The following STK36 variants were observed in gnomAD, a reference collection of about 807,000 sequenced individuals.
STK36 encodes serine/threonine-protein kinase 36.
In STK36, 116 loss-of-function variants were observed where a neutral mutation model predicts 142.2. The ratio of observed to expected loss-of-function variants is 0.82; its 90% CI spans 0.70 to 0.95. The LOEUF is 0.95. Among genes scored for constraint, STK36 ranks in the 40% least tolerant of loss-of-function variants. The pLI is 0.00. For missense variants in STK36, 1,422 were observed against 1,617.2 expected, an observed-to-expected ratio of 0.88 and a Z score of 2.07; for synonymous variants, 619 against 641.7, an observed-to-expected ratio of 0.96 and a Z score of 0.53.
chr2:218,692,738 C>A, intron 16 of STK36, 28 bp downstream of exon 16: 1 of 1,598,498 alleles, frequency 6.3e-7, no homozygotes, highest in South Asian at 1.1e-5. Flanking sequence ...TTGTTCCTCT[C>A]ATCCTACTGC....
At chr2:218,688,420 T>C in intron 11 of STK36, 1 of 581,066 alleles carries the variant, frequency 1.7e-6, no homozygotes, top group East Asian at 3.9e-5. Context: ...AGGGAGCAGA[T>C]GGGAATGGCA....
intron 24 of STK36, 122 bp downstream of exon 24, chr2:218,697,732 G>A (rs928629893): frequency 6.3e-7 from 1 of 1,583,800 alleles, no homozygotes; most frequent in African/African-American, 1.3e-5. Context: ...GGTTTAGGCT[G>A]GAAACCTAAG....
chr2:218,696,970 G>C, intron 22 of STK36, 69 bp from the exon 23 acceptor site: 2 of 1,593,744 alleles, frequency 1.3e-6, no homozygotes, highest in Non-Finnish European at 1.7e-6. Flanking sequence ...TCAGGGACAG[G>C]AATGAATAAA....
At chr2:218,697,386 C>T (rs1391575175) in intron 23 of STK36, 77 bp from the exon 24 acceptor site, 1 of 1,575,974 alleles carries the variant, frequency 6.3e-7, no homozygotes, top group Non-Finnish European at 8.6e-7. Flanking sequence ...ATAGGTGTAG[C>T]CCTGGGAGCT....
chr2:218,694,234 TG>T lies in STK36; in HGVS notation c.2337-29del. ...GCTTACCAACCTCCTTTAATACTGCTGCATCCCTTGATGTATCTCTTTATTC... is the reference window on the plus strand; with the variant it reads ...GCTTACCAACCTCCTTTAATACTGCTCATCCCTTGATGTATCTCTTTATTC... On this transcript the variant is annotated intron_variant, in intron 19 of 26. Transcript: ENST00000295709. The surrounding 1 kb of genome is among the most constrained non-coding windows in gnomAD (Gnocchi z 4.4). 6.3e-7 allele frequency: 1 copy of T among 1,591,400 alleles called. No homozygotes were observed. The highest frequency in any genetic ancestry group is 8.6e-7 in the Non-Finnish European group (1 of 1,159,350).
intron 10 of STK36, among the ~76,000 whole-genome samples, chr2:218,684,337 A>T: frequency 7.4e-6 from 1 of 135,992 alleles, no homozygotes. Flanking sequence ...CTGGTCTTGA[A>T]CTCCCGACCT....
chr2:218,693,837 C>T lies in STK36; in HGVS notation c.2247+16C>T, dbSNP rs1389394521. The stretch of plus-strand genomic sequence containing the variant: ...TCAGGGCAAGGTAAGCCAGCTTCCC[C>T]TGGCAGCCCCACTGTCTCAGCCAGA... On this transcript the variant is annotated intron_variant, in intron 18 of 26. Coordinates refer to ENST00000295709, the MANE Select transcript of STK36 (RefSeq NM_015690.5). 1 of 1,614,192 alleles carries T rather than the reference C, an allele frequency of 6.2e-7. No homozygotes were observed. The highest frequency in any genetic ancestry group is 1.1e-5 in the South Asian group (1 of 91,082).
intron 10 of STK36, among the ~76,000 whole-genome samples, chr2:218,681,405 G>T (rs1940515356): frequency 6.6e-6 from 1 of 152,090 alleles, no homozygotes; most frequent in Non-Finnish European, 1.5e-5. Flanking sequence ...GGGATTACAG[G>T]CATGAGCCAC....
At chr2:218,691,057 T>A (rs1305881794) in intron 14 of STK36, among the ~76,000 whole-genome samples, 1 of 152,108 alleles carries the variant, frequency 6.6e-6, no homozygotes, top group African/African-American at 2.4e-5. Flanking sequence ...TAGAACGACT[T>A]CTTCTTGAAA....
chr2:218,688,521 C>T, intron 11 of STK36, 176 bp from the exon 12 acceptor site: 3 of 737,330 alleles, frequency 4.1e-6, no homozygotes, highest in East Asian at 2.6e-5. Context: ...TGTCTTCTTC[C>T]CTGGTACAGT....
In STK36 at chr2:218,694,593, A is replaced by G. The variant is rs1228788210; in HGVS notation, c.2469A>G (p.Glu823=). 10 of 1,614,110 alleles carry G rather than the reference A, an allele frequency of 6.2e-6. No homozygotes were observed. The highest frequency in any genetic ancestry group is 8.5e-6 in the Non-Finnish European group (10 of 1,180,042). ...TGACCTTTGACCTCCAGCCCATGGA[A>G]TGGATGGCTGCAGCCACACATGCCT... ...QGVTFDLQPM[E]WMAAATHALS... is the part of the protein sequence containing the mutation. The change falls in exon 21 of 27, where the codon GAA becomes GAG. Residue 823 remains glutamate (E), a synonymous_variant. Transcript: ENST00000295709. This position sits in a 1 kb window ranked among gnomAD's most constrained non-coding sequence, Gnocchi z 4.4.
Position 218,694,684 on chromosome 2 carries a change from C to G in STK36, c.2511+49C>G. The G allele has an allele frequency of 6.7e-7, 1 of 1,489,524 alleles. No individual in the cohort carries two copies. The highest frequency in any genetic ancestry group is 9.4e-7 in the Non-Finnish European group (1 of 1,068,284). 92.3% of individuals were successfully genotyped at this position (1,489,524 alleles called of 1,614,324 possible). ...AGACATGTTTTCTCTGAGTCAGACACTAGGACTGCATTCAAGGGGAAAAGA... is the reference window on the plus strand; with the variant it reads ...AGACATGTTTTCTCTGAGTCAGACAGTAGGACTGCATTCAAGGGGAAAAGA... On this transcript the variant is annotated intron_variant, in intron 21 of 26. Transcript: ENST00000295709. This position sits in a 1 kb window ranked among gnomAD's most constrained non-coding sequence, Gnocchi z 4.4.
chr2:218,689,766 GACTGGGTCTCTATACACCCTTTCT>G, intron 12 of STK36, 69 bp from the exon 13 acceptor site: 1 of 1,129,060 alleles, frequency 8.9e-7, no homozygotes, highest in Non-Finnish European at 1.3e-6. Flanking sequence ...TGATCAACTT[GACTGGGTCTCTATACACCCTTTCT>G]ACTGTTTTTT....
rs1015872051 is a variant in STK36 at position 218,689,319 on chromosome 2, A to G, written c.1560+443A>G. ...TTAGATCCTAGGCTTCATTGACCTG[A>G]TCTTACAGAGCAGAGTACTAAAATT... On this transcript the variant is annotated intron_variant, in intron 12 of 26. Coordinates refer to ENST00000295709, the MANE Select transcript of STK36 (RefSeq NM_015690.5). 2.0e-5 allele frequency among the ~76,000 whole-genome samples: 3 copies of G among 152,230 alleles called. No individual in the cohort carries two copies. In the South Asian group the frequency reaches 6.2e-4, roughly 32 times the overall value.
rs1343822207 is a variant in STK36, at chr2:218,697,476, G to C, written c.2775G>C (p.Leu925=). The change falls in exon 24 of 27, where the codon CTG becomes CTC. Residue 925 remains leucine, a synonymous_variant. Coordinates refer to ENST00000295709, the MANE Select transcript of STK36 (RefSeq NM_015690.5). The part of the protein sequence containing the change: ...TLISPQGMAA[L]LSLAMATFTQ... ...TGGTGTTACCAGGCATGGCAGCCCT[G>C]CTGAGCCTGGCCATGGCCACCTTTA... The C allele has an allele frequency of 1.9e-6, 3 of 1,614,046 alleles. No homozygotes were observed. The African/African-American group carries it at 4.0e-5, about 22-fold the overall frequency.
intron 10 of STK36, among the ~76,000 whole-genome samples, chr2:218,682,362 C>T (rs1415823808): frequency 1.3e-5 from 2 of 152,160 alleles, no homozygotes; most frequent in African/African-American, 2.4e-5. Flanking sequence ...ACACATGCCC[C>T]TTTACCCCTA....
intron 21 of STK36, among the ~76,000 whole-genome samples, chr2:218,696,286 T>TC (rs1941230902): frequency 6.6e-6 from 1 of 152,230 alleles, no homozygotes; most frequent in Non-Finnish European, 1.5e-5. Flanking sequence ...AGAGGTTGTA[T>TC]CACTAGTGAT....
At chr2:218,693,548 C>G (rs939173002) in intron 17 of STK36, among the ~76,000 whole-genome samples, 175 bp from the exon 18 acceptor site, 1 of 152,144 alleles carries the variant, frequency 6.6e-6, no homozygotes, top group Non-Finnish European at 1.5e-5. Flanking sequence ...TCAGCGGAAC[C>G]GAGAAGGGTC....
intron 11 of STK36, among the ~76,000 whole-genome samples, chr2:218,687,785 T>C (rs1337071976): frequency 1.3e-5 from 2 of 152,250 alleles, no homozygotes; most frequent in African/African-American, 4.8e-5. Flanking sequence ...AATGAGCAGA[T>C]GCCAACATTT....
Sources: gnomAD v4.1 joint callset for allele counts (sites outside exome capture counted in the v4.1 genomes callset) on GRCh38, gnomAD v4.1.1 for gene constraint, Gnocchi (gnomAD v3.1) non-coding constraint, MANE v1.5 for transcripts, NCBI Gene and HGNC (gene_info 2026-07-23, HGNC 2026-07-21) for gene names.